Variants in RAP1GDS1 observed in about 807,000 individuals in gnomAD.
RAP1GDS1 encodes RAP1, GTP-GDP dissociation stimulator 1.
RAP1GDS1 carries 35 observed loss-of-function variants against 71.1 expected under a neutral mutation model. The ratio of observed to expected loss-of-function variants is 0.49; its 90% CI spans 0.38 to 0.65. The LOEUF (loss-of-function observed/expected upper bound fraction) is 0.65, where lower values mean the gene tolerates loss of function less well. RAP1GDS1 is among the 30% of genes least tolerant of loss of function. RAP1GDS1 has a pLI of 0.00. For missense variants in RAP1GDS1, 663 were observed against 706.1 expected, an observed-to-expected ratio of 0.94 and a Z score of 0.69; for synonymous variants, 229 against 243.1, an observed-to-expected ratio of 0.94 and a Z score of 0.54.
chr4:98,441,908 C>T, intron 14 of RAP1GDS1, 82 bp from the exon 15 acceptor site: 1 of 1,460,196 alleles, frequency 6.8e-7, no homozygotes, highest in Non-Finnish European at 9.3e-7. Flanking sequence ...TTAGTCTTGT[C>T]AAAATAAACA....
At chr4:98,402,669 A>T (rs1019623501) in intron 6 of RAP1GDS1, among the ~76,000 whole-genome samples, 1 of 152,192 alleles carries the variant, frequency 6.6e-6, no homozygotes, top group Non-Finnish European at 1.5e-5. Context: ...CTCTCCTGTT[A>T]AATTTGCAAA....
chr4:98,377,100 T>A (rs57911361), intron 4 of RAP1GDS1, among the ~76,000 whole-genome samples: 1 of 151,980 alleles, frequency 6.6e-6, no homozygotes, highest in African/African-American at 2.4e-5. Context: ...AAATTCCTAA[T>A]ATATGAATAC....
At chr4:98,293,304 A>G (rs1727236414) in intron 1 of RAP1GDS1, 104 bp from the exon 2 acceptor site, 3 of 720,506 alleles carry the variant, frequency 4.2e-6, no homozygotes, top group African/African-American at 1.8e-5. Context: ...TTAATTTGCT[A>G]TTATAGGAAG....
chr4:98,362,392 G>A (rs1318693986), intron 4 of RAP1GDS1, among the ~76,000 whole-genome samples: 5 of 152,188 alleles, frequency 3.3e-5, no homozygotes, highest in Non-Finnish European at 7.4e-5. Context: ...AGGATGACAC[G>A]AGCCTGGGAG....
chr4:98,410,386 C>T (rs1254642653), intron 7 of RAP1GDS1, among the ~76,000 whole-genome samples: 3 of 151,948 alleles, frequency 2.0e-5, no homozygotes. Flanking sequence ...CACTATACAC[C>T]CACTGGAAAG....
intron 4 of RAP1GDS1, among the ~76,000 whole-genome samples, chr4:98,355,106 G>GTGAT: frequency 6.6e-6 from 1 of 152,170 alleles, no homozygotes; most frequent in East Asian, 1.9e-4. Context: ...GATGTTGTGT[G>GTGAT]GTTGATTTGG....
At chr4:98,437,218 G>A in intron 14 of RAP1GDS1, 150 bp downstream of exon 14, 2 of 739,306 alleles carry the variant, frequency 2.7e-6, no homozygotes, top group Non-Finnish European at 3.9e-6. Context: ...CCCTATTACT[G>A]TAAACACTCA....
rs185050263 is a variant in RAP1GDS1 at position 98,413,489 on chromosome 4, G to A, written c.764-3256G>A. ...TGCAGTGTTTGGTTTTTGTTCTTGC[G>A]ATAGTTTACTGAGAATGATGATTTC... On this transcript the variant is annotated intron_variant, in intron 7 of 14. Coordinates refer to ENST00000408927, the MANE Select transcript of RAP1GDS1 (RefSeq NM_001100427.2). 3.1e-3 allele frequency among the ~76,000 whole-genome samples: 467 copies of A among 152,012 alleles called. 3 individuals are homozygous for A. Among genetic ancestry groups the A allele is most frequent in the African/African-American group, 0.011 (448 of 41,458 alleles).
intron 12 of RAP1GDS1, 151 bp downstream of exon 12, chr4:98,421,545 A>T (rs753343508): frequency 6.3e-5 from 53 of 840,250 alleles, no homozygotes; most frequent in Non-Finnish European, 8.0e-5. Context: ...TAGCTGATAC[A>T]TGGGATATAG....
At chr4:98,361,539 C>T (rs2110442773) in intron 4 of RAP1GDS1, among the ~76,000 whole-genome samples, 1 of 151,892 alleles carries the variant, frequency 6.6e-6, no homozygotes, top group Non-Finnish European at 1.5e-5. Flanking sequence ...ATTTATGGAG[C>T]CTTTATTAGA....
chr4:98,270,935 T>C (rs1435789478), intron 1 of RAP1GDS1, among the ~76,000 whole-genome samples: 1 of 152,196 alleles, frequency 6.6e-6, no homozygotes, highest in Non-Finnish European at 1.5e-5. Flanking sequence ...CCATTTTCTT[T>C]TCTCTAGCTT....
chr4:98,277,984 T>C (rs1724485347), intron 1 of RAP1GDS1, among the ~76,000 whole-genome samples: 1 of 152,210 alleles, frequency 6.6e-6, no homozygotes, highest in Non-Finnish European at 1.5e-5. Flanking sequence ...CTCAGCACTT[T>C]GGGAGGCCAA....
At chr4:98,286,289 C>T (rs77088159) in intron 1 of RAP1GDS1, among the ~76,000 whole-genome samples, 3,629 of 151,428 alleles carry the variant, frequency 0.024, 141 homozygotes, top group African/African-American at 0.083. Flanking sequence ...AAATTATTGC[C>T]GTGAGTGCCA....
intron 1 of RAP1GDS1, among the ~76,000 whole-genome samples, chr4:98,280,881 T>G (rs1228612934): frequency 6.6e-6 from 1 of 152,144 alleles, no homozygotes. Flanking sequence ...TTTCCCCATT[T>G]CTTGTTTTTC....
chr4:98,387,950 C>T (rs1003819295), intron 5 of RAP1GDS1, among the ~76,000 whole-genome samples: 1 of 152,118 alleles, frequency 6.6e-6, no homozygotes, highest in African/African-American at 2.4e-5. Flanking sequence ...GAATTTCTTC[C>T]TGTTTGTCTT....
chr4:98,280,453 GTTGT>G (rs1266979452), intron 1 of RAP1GDS1, among the ~76,000 whole-genome samples: 1 of 152,042 alleles, frequency 6.6e-6, no homozygotes. Context: ...TTTTGATGGG[GTTGT>G]TTGTTTTTTT....
At chr4:98,398,928 C>T (rs1420556323) in intron 6 of RAP1GDS1, among the ~76,000 whole-genome samples, 1 of 152,062 alleles carries the variant, frequency 6.6e-6, no homozygotes, top group African/African-American at 2.4e-5. Flanking sequence ...AAGAGAATAC[C>T]AGCAACTAGA....
chr4:98,267,572 C>T lies in RAP1GDS1; in HGVS notation c.4+6003C>T, dbSNP rs188086185. Among the ~76,000 whole-genome samples the T allele has an allele frequency of 1.2e-3, 183 of 152,212 alleles. 1 individual carries two copies. The South Asian group carries it at 0.018, about 15-fold the overall frequency. On this transcript the variant is annotated intron_variant, in intron 1 of 14. Transcript: ENST00000408927. The stretch of plus-strand genomic sequence containing the variant: ...ATATGTACACCCAGTGCTTAGCTTC[C>T]GCTTATAAATGAGAACATGTGGTAT...
At chr4:98,263,143 C>T (rs997948537) in intron 1 of RAP1GDS1, among the ~76,000 whole-genome samples, 1 of 152,062 alleles carries the variant, frequency 6.6e-6, no homozygotes, top group African/African-American at 2.4e-5. Flanking sequence ...AGATAAAATA[C>T]ACTTTGAAAT....
Sources: gnomAD v4.1 joint callset for allele counts (sites outside exome capture counted in the v4.1 genomes callset) on GRCh38, gnomAD v4.1.1 for gene constraint, MANE v1.5 for transcripts, NCBI Gene and HGNC (gene_info 2026-07-23, HGNC 2026-07-21) for gene names.